SETX: variants seen among roughly 807,000 people sequenced by gnomAD.
SETX encodes helicase senataxin.
Under a neutral mutation model 227.2 loss-of-function variants are expected in SETX, and 90 were observed. That is an observed-to-expected ratio of 0.40 (90% CI 0.33 to 0.47). The LOEUF (loss-of-function observed/expected upper bound fraction) is 0.47. Among genes scored for constraint, SETX ranks in the 20% least tolerant of loss-of-function variants. The pLI, the probability that SETX is intolerant of heterozygous loss-of-function variation, is 0.91. For missense variants in SETX, 3,052 were observed against 3,181.5 expected, an observed-to-expected ratio of 0.96 and a Z score of 0.98; for synonymous variants, 1,210 against 1,113.2, an observed-to-expected ratio of 1.09 and a Z score of -1.73.
intron 4 of SETX, among the ~76,000 whole-genome samples, chr9:132,345,938 G>A (rs964056719): frequency 9.9e-5 from 15 of 152,144 alleles, no homozygotes; most frequent in Admixed American, 7.2e-4. Context: ...AGTATTACTT[G>A]AGCCCAGGAG....
Position 132,311,799 on chromosome 9 carries a change from G to A in SETX, c.5332C>T (p.Arg1778Ter), listed in dbSNP as rs1169623576. The change falls in exon 11 of 26, where the codon CGA becomes TGA. Residue 1778 changes from arginine (R) to a stop codon, truncating the protein, a stop_gained. Coordinates refer to ENST00000224140, the MANE Select transcript of SETX (RefSeq NM_015046.7). LOFTEE classifies it high-confidence loss of function. ...TTTATATAATCGGCAGGAAATTTTC[G>A]TACTTGCAACTGATAGAAATTCTCT... ...NRENFYQLQVRKFPADYIKYW... is the reference protein window; with the variant it reads ...NRENFYQLQV 1.2e-6 allele frequency: 2 copies of A among 1,613,618 alleles called. No homozygotes were observed. The highest frequency in any genetic ancestry group is 1.1e-5 in the South Asian group (1 of 91,062).
intron 22 of SETX, among the ~76,000 whole-genome samples, 169 bp downstream of exon 22, chr9:132,276,891 A>G (rs1380107359): frequency 2.0e-5 from 3 of 152,220 alleles, no homozygotes; most frequent in Non-Finnish European, 4.4e-5. Context: ...ACATTAGGTA[A>G]TATTATCCCC....
At chr9:132,314,939 G>T (rs1845884457) in intron 10 of SETX, among the ~76,000 whole-genome samples, 4 of 133,266 alleles carry the variant, frequency 3.0e-5, no homozygotes, top group South Asian at 4.8e-4. Context: ...TGGAGACAGG[G>T]TCTTGCTCTG....
chr9:132,309,964 C>A lies in SETX; in HGVS notation c.5374+1793G>T, dbSNP rs117235913. ...ATTTACTATGTTCAAATAAGCAATT[C>A]TCAATAAGAATGAAAAAGAAATTTT... On this transcript the variant is annotated intron_variant, in intron 11 of 25. Transcript: ENST00000224140. 4.5e-3 allele frequency among the ~76,000 whole-genome samples: 685 copies of A among 152,130 alleles called. 5 individuals carry two copies. The highest frequency in any genetic ancestry group is 7.8e-3 in the Non-Finnish European group (529 of 67,998).
At position 132,328,456 on chromosome 9, in the gene SETX, G is replaced by A; in HGVS notation, c.3142C>T (p.Gln1048Ter). 6.2e-7 allele frequency: 1 copy of A among 1,613,666 alleles called. No homozygotes were observed. ...KICLEREHPE[Q>*]HVSTVNSKEE... Reference sequence around the variant, plus strand: ...TTACTATTAACTGTTGAAACGTGCTGCTCTGGATGTTCCCTCTCAAGGCAT... The same window carrying A: ...TTACTATTAACTGTTGAAACGTGCTACTCTGGATGTTCCCTCTCAAGGCAT... The change falls in exon 10 of 26, where the codon CAG (glutamine) becomes TAG (stop). Residue 1048 changes from glutamine to a stop codon, truncating the protein, a stop_gained. Transcript: ENST00000224140. LOFTEE classifies it high-confidence loss of function.
chr9:132,336,461 C>G lies in SETX; in HGVS notation c.553G>C (p.Asp185His). 6.2e-7 allele frequency: 1 copy of G among 1,614,126 alleles called. No homozygotes were observed. Among genetic ancestry groups the G allele is most frequent in the South Asian group, 1.1e-5 (1 of 91,080 alleles). Residue 185 changes from aspartate (D) to histidine (H), a missense_variant, in exon 6 of 26, where the codon GAT becomes CAT. Around this residue, in one of 10 missense-constraint regions of SETX, gnomAD observed 239 missense variants for 240.8 expected, o/e 0.99. Transcript: ENST00000224140. ...AAAACTTCTTGTAAGTCATAATAAT[C>G]ATCTCTGTCCACTTTCCCCAAGTTT... Reference protein sequence around the residue: ...ARNLGKVDRDDYYDLQEVLLC... With the variant: ...ARNLGKVDRDHYYDLQEVLLC...
Position 132,296,926 on chromosome 9 carries a change from T to C in SETX, c.5910A>G (p.Ser1970=). The change falls in exon 14 of 26, where the codon TCA becomes TCG. Residue 1970 remains serine, a synonymous_variant. Transcript: ENST00000224140. ...GATAGAGGAGGCCAACAATAGTTTT[T>C]GATTTTCCTGTTCCAGGTGGTCCAT... The part of the protein sequence containing the change: ...LIHGPPGTGK[S]KTIVGLLYRL... The C allele has an allele frequency of 6.2e-7, 1 of 1,614,166 alleles. No individual in the cohort carries two copies. The highest frequency in any genetic ancestry group is 2.2e-5 in the East Asian group (1 of 44,876).
chr9:132,266,406 A>G (rs1842654032), intron 25 of SETX, among the ~76,000 whole-genome samples: 1 of 152,232 alleles, frequency 6.6e-6, no homozygotes, highest in South Asian at 2.1e-4. Context: ...TAGTCAATAA[A>G]CCATTTAAAA....
chr9:132,353,357 C>G (rs908415324), intron 2 of SETX, among the ~76,000 whole-genome samples: 1 of 152,098 alleles, frequency 6.6e-6, no homozygotes, highest in African/African-American at 2.4e-5. Flanking sequence ...GAATACACAT[C>G]AGACTTACCT....
At chr9:132,311,382 T>C (rs1456791566) in intron 11 of SETX, among the ~76,000 whole-genome samples, 2 of 152,102 alleles carry the variant, frequency 1.3e-5, no homozygotes, top group African/African-American at 2.4e-5. Flanking sequence ...ATAACTAGTA[T>C]ATAAAAGTGG....
chr9:132,276,040 A>G (rs1843141854), intron 22 of SETX, among the ~76,000 whole-genome samples: 1 of 152,062 alleles, frequency 6.6e-6, no homozygotes, highest in Non-Finnish European at 1.5e-5. Flanking sequence ...ACCCCTCCTG[A>G]AAACACATGC....
At chr9:132,288,107 G>A in intron 17 of SETX, 129 bp downstream of exon 17, 1 of 725,054 alleles carries the variant, frequency 1.4e-6, no homozygotes, top group Non-Finnish European at 2.5e-6. Flanking sequence ...ACCCAGGAAG[G>A]TGAGGCTGCA....
At chr9:132,290,574 CAAAA>C (rs59954158) in intron 15 of SETX, among the ~76,000 whole-genome samples, 12 of 44,716 alleles carry the variant, frequency 2.7e-4, no homozygotes, top group Middle Eastern at 0.015. Flanking sequence ...GACTCCGTCT[CAAAA>C]AAAAAAAAAA....
chr9:132,276,072 C>T (rs953869732), intron 22 of SETX, among the ~76,000 whole-genome samples: 16 of 152,128 alleles, frequency 1.1e-4, no homozygotes, highest in African/African-American at 3.9e-4. Flanking sequence ...CATACCGGAC[C>T]CAAAATGCAC....
intron 6 of SETX, among the ~76,000 whole-genome samples, chr9:132,335,503 G>C (rs1333000957): frequency 6.8e-6 from 1 of 147,504 alleles, no homozygotes; most frequent in African/African-American, 2.5e-5. Context: ...TAGGAGACAG[G>C]ATCTCCCTCT....
rs543240798 is a variant in SETX, at chr9:132,344,792, T to C, written c.388+1469A>G. 1.9e-3 allele frequency among the ~76,000 whole-genome samples: 291 copies of C among 150,936 alleles called. 1 individual carries two copies. The highest frequency in any genetic ancestry group is 4.4e-3 in the Admixed American group (67 of 15,114). Reference sequence around the variant, plus strand: ...CAGGAGGCTGAGGCAGGAGAATCGCTTGAACCCAGGAGGCAGAGGGTGCAG... The same window carrying C: ...CAGGAGGCTGAGGCAGGAGAATCGCCTGAACCCAGGAGGCAGAGGGTGCAG... On this transcript the variant is annotated intron_variant, in intron 4 of 25. Coordinates refer to ENST00000224140, the MANE Select transcript of SETX (RefSeq NM_015046.7).
At chr9:132,302,046 G>A (rs1845026993) in intron 11 of SETX, among the ~76,000 whole-genome samples, 2 of 152,074 alleles carry the variant, frequency 1.3e-5, no homozygotes, top group African/African-American at 2.4e-5. Context: ...TAGAGTCAAA[G>A]CAATCCTAGT....
At chr9:132,317,946 C>T (rs1015642079) in intron 10 of SETX, among the ~76,000 whole-genome samples, 3 of 152,216 alleles carry the variant, frequency 2.0e-5, no homozygotes, top group African/African-American at 7.2e-5. Flanking sequence ...CTCTCAACTC[C>T]TTCTCCATTT....
At chr9:132,313,668 A>C (rs1845799199) in intron 10 of SETX, among the ~76,000 whole-genome samples, 1 of 152,190 alleles carries the variant, frequency 6.6e-6, no homozygotes, top group Non-Finnish European at 1.5e-5. Flanking sequence ...ATGAGCTAGT[A>C]GTTTCACACT....
Sources: gnomAD v4.1 joint callset for allele counts (sites outside exome capture counted in the v4.1 genomes callset) on GRCh38, gnomAD v4.1.1 for gene constraint, gnomAD v4.1.1 regional missense constraint, MANE v1.5 for transcripts, NCBI Gene and HGNC (gene_info 2026-07-23, HGNC 2026-07-21) for gene names.